The following PINX1 variants were observed in gnomAD, a reference collection of about 807,000 sequenced individuals.
PINX1 encodes the protein PIN2 (TERF1) interacting telomerase inhibitor 1.
PINX1 carries 34 observed loss-of-function variants against 25.4 expected under a neutral mutation model. The ratio of observed to expected loss-of-function variants is 1.34; its 90% CI spans 1.02 to 1.78. The LOEUF is 1.78. Ranked by LOEUF, PINX1 falls within the 40% of genes most tolerant of loss-of-function variation. The pLI, the probability that PINX1 is intolerant of heterozygous loss-of-function variation, is 0.00. For missense variants in PINX1, 592 were observed against 404.9 expected (o/e 1.46, Z -3.97); for synonymous variants, 197 against 147.7 (o/e 1.33, Z -2.42).
chr8:10,831,523 C>T (rs1352056042), intron 4 of PINX1, 142 bp downstream of exon 4: 1 of 627,628 alleles, frequency 1.6e-6, no homozygotes, highest in Non-Finnish European at 2.9e-6. Flanking sequence ...GTGTACATTA[C>T]AAATTGTGCA....
intron 6 of PINX1, among the ~76,000 whole-genome samples, chr8:10,768,711 T>A (rs540978858): frequency 6.6e-6 from 1 of 152,190 alleles, no homozygotes; most frequent in Non-Finnish European, 1.5e-5. Context: ...GAAAAATACA[T>A]TGAAAATCTG....
chr8:10,830,880 AC>A (rs1352261495), intron 4 of PINX1, among the ~76,000 whole-genome samples: 1 of 152,200 alleles, frequency 6.6e-6, no homozygotes, highest in Non-Finnish European at 1.5e-5. Context: ...ACTACAGAAA[AC>A]AGTACGGCAG....
chr8:10,796,113 G>C (rs1276460715), intron 6 of PINX1, among the ~76,000 whole-genome samples: 1 of 152,182 alleles, frequency 6.6e-6, no homozygotes, highest in Admixed American at 6.5e-5. Flanking sequence ...AACGGGATGG[G>C]AGATTCTGAA....
chr8:10,810,841 T>C (rs1057233570), intron 6 of PINX1, among the ~76,000 whole-genome samples: 11 of 152,370 alleles, frequency 7.2e-5, no homozygotes, highest in African/African-American at 1.9e-4. Context: ...ACTGCTGTAA[T>C]GGCAAAATGG....
chr8:10,819,276 C>T (rs913839289), intron 6 of PINX1, among the ~76,000 whole-genome samples: 1 of 152,148 alleles, frequency 6.6e-6, no homozygotes, highest in African/African-American at 2.4e-5. Flanking sequence ...AGAAACAAAC[C>T]ACCACCCTAG....
chr8:10,814,235 T>C (rs936615865), intron 6 of PINX1, among the ~76,000 whole-genome samples: 18 of 152,190 alleles, frequency 1.2e-4, no homozygotes, highest in African/African-American at 4.1e-4. Flanking sequence ...AAATTAGAAA[T>C]GTGCAACCAG....
chr8:10,839,834 T>C lies in PINX1; in HGVS notation c.-78A>G, dbSNP rs72549113. The C allele has an allele frequency of 1.8e-4, 256 of 1,410,556 alleles. No individual in the cohort carries two copies. Among genetic ancestry groups the C allele is most frequent in the Non-Finnish European group, 2.3e-4 (237 of 1,023,112 alleles). 87.4% of individuals were successfully genotyped at this position (1,410,556 alleles called of 1,614,324 possible). A position where few individuals can be genotyped will look rare whatever the true frequency, so the allele number is the denominator to read the frequency against. On this transcript the variant is annotated 5_prime_UTR_variant, in exon 1 of 7. Transcript: ENST00000314787. ...GGGCGGGCTGGAGACTCCAGGAGAA[T>C]CAGGACGTGCGTAACTCCCTCGCCG... is the stretch of plus-strand genomic sequence containing the variant.
intron 2 of PINX1, among the ~76,000 whole-genome samples, chr8:10,834,046 A>C (rs1322289228): frequency 1.3e-5 from 2 of 152,194 alleles, no homozygotes; most frequent in African/African-American, 4.8e-5. Context: ...GACTTTAGCT[A>C]ATTCAAAGTG....
Position 10,826,185 on chromosome 8 carries a change from T to C in PINX1, c.361A>G (p.Lys121Glu), listed in dbSNP as rs961375824. The C allele has an allele frequency of 6.3e-7, 1 of 1,594,492 alleles. No homozygotes were observed. The highest frequency in any genetic ancestry group is 8.6e-7 in the Non-Finnish European group (1 of 1,165,050). Reference sequence around the variant, plus strand: ...AATTTCATATAGTGAACACGGTTTTTGGAGATTTTGGACTTTTCCTCAAGG... The same window carrying C: ...AATTTCATATAGTGAACACGGTTTTCGGAGATTTTGGACTTTTCCTCAAGG... The part of the protein sequence containing the change: ...FSLEEKSKIS[K>E]NRVHYMKFTK... Residue 121 changes from lysine to glutamate, a missense_variant, in exon 5 of 7, where the codon AAA becomes GAA. Lys to Glu is a moderately conservative substitution (Grantham distance 56). Transcript: ENST00000314787.
At chr8:10,796,963 C>G (rs1162847597) in intron 6 of PINX1, among the ~76,000 whole-genome samples, 1 of 151,950 alleles carries the variant, frequency 6.6e-6, no homozygotes, top group Non-Finnish European at 1.5e-5. Context: ...TTCCAAGGAA[C>G]ACATTTTGGG....
At chr8:10,770,073 G>C (rs1801176600) in intron 6 of PINX1, among the ~76,000 whole-genome samples, 1 of 152,220 alleles carries the variant, frequency 6.6e-6, no homozygotes, top group African/African-American at 2.4e-5. Flanking sequence ...TATCAAACTA[G>C]CATGTACATT....
At chr8:10,837,032 GAAGGCCTGACTGCTATCCTTTGA>G (rs1370492642) in intron 1 of PINX1, among the ~76,000 whole-genome samples, 2 of 152,336 alleles carry the variant, frequency 1.3e-5, no homozygotes, top group East Asian at 3.9e-4. Flanking sequence ...CACTAACACA[GAAGGCCTGACTGCTATCCTTTGA>G]AAGGCCTGTT....
At chr8:10,804,350 G>T (rs1221694617) in intron 6 of PINX1, among the ~76,000 whole-genome samples, 2 of 152,088 alleles carry the variant, frequency 1.3e-5, no homozygotes, top group African/African-American at 4.8e-5. Context: ...CGTGCTCAGG[G>T]GCCTGAAAGA....
intron 6 of PINX1, among the ~76,000 whole-genome samples, chr8:10,783,101 C>A (rs145136735): frequency 1.3e-4 from 20 of 152,180 alleles, no homozygotes; most frequent in African/African-American, 4.8e-4. Context: ...CCAATTGTTA[C>A]GTGTGACCCT....
At chr8:10,777,927 C>A (rs1001958888) in intron 6 of PINX1, among the ~76,000 whole-genome samples, 2 of 152,196 alleles carry the variant, frequency 1.3e-5, no homozygotes, top group East Asian at 3.9e-4. Context: ...TCTATCTGCA[C>A]ACCCAGCAAT....
intron 6 of PINX1, among the ~76,000 whole-genome samples, chr8:10,781,880 G>A (rs888317814): frequency 2.0e-5 from 3 of 152,186 alleles, no homozygotes; most frequent in Non-Finnish European, 1.5e-5. Flanking sequence ...GATGCCTGCA[G>A]TCCCATGTTC....
chr8:10,779,103 G>T (rs1474800971), intron 6 of PINX1, among the ~76,000 whole-genome samples: 1 of 152,214 alleles, frequency 6.6e-6, no homozygotes, highest in Non-Finnish European at 1.5e-5. Flanking sequence ...CCTAAATGAT[G>T]CCAAGTATGG....
intron 6 of PINX1, among the ~76,000 whole-genome samples, chr8:10,789,889 T>C (rs1055261787): frequency 6.6e-6 from 1 of 152,180 alleles, no homozygotes; most frequent in Non-Finnish European, 1.5e-5. Context: ...GTACAGGTCA[T>C]GGTTTCTCTA....
At chr8:10,769,375 C>G (rs1801156062) in intron 6 of PINX1, among the ~76,000 whole-genome samples, 1 of 152,190 alleles carries the variant, frequency 6.6e-6, no homozygotes, top group African/African-American at 2.4e-5. Flanking sequence ...TCACATGTGT[C>G]AAAAACATTT....
Sources: gnomAD v4.1 joint callset for allele counts (sites outside exome capture counted in the v4.1 genomes callset) on GRCh38, gnomAD v4.1.1 for gene constraint, MANE v1.5 for transcripts, NCBI Gene and HGNC (gene_info 2026-07-23, HGNC 2026-07-21) for gene names.